MIER1: variants seen among roughly 807,000 people sequenced by gnomAD.
MIER1 encodes MIER1 transcriptional regulator.
MIER1 carries 40 observed loss-of-function variants against 75.7 expected under a neutral mutation model. The ratio of observed to expected loss-of-function variants is 0.53; its 90% confidence interval spans 0.41 to 0.69. The LOEUF (loss-of-function observed/expected upper bound fraction) is 0.69, where lower values mean the gene tolerates loss of function less well. MIER1 is among the 30% of genes least tolerant of loss of function. The probability of loss-of-function intolerance (pLI) is 0.00; values close to 1 mark genes in which losing one functional copy is unlikely to be tolerated. For missense variants in MIER1, 574 were observed against 680.2 expected, an observed-to-expected ratio of 0.84 and a Z score of 1.74; for synonymous variants, 213 against 223.4, an observed-to-expected ratio of 0.95 and a Z score of 0.42.
intron 10 of MIER1, among the ~76,000 whole-genome samples, chr1:66,972,198 C>T (rs1028454437): frequency 1.4e-4 from 20 of 145,548 alleles, no homozygotes; most frequent in African/African-American, 4.8e-4. Context: ...CTCCTACCCC[C>T]CTTCACTAAG....
rs1666624463 is a variant in MIER1 at position 66,985,208 on chromosome 1, A to G, written c.*308A>G. The G allele has an allele frequency of 1.0e-6, 1 of 974,832 alleles. No individual in the cohort carries two copies. Among genetic ancestry groups the G allele is most frequent in the South Asian group, 4.6e-5 (1 of 21,628 alleles). 60.4% of individuals were successfully genotyped at this position (974,832 alleles called of 1,614,324 possible). ...TAATTTTGGTAAATCTGAATGAACT[A>G]AAGATGTATCTGTACCTTCTCATTT... is the stretch of plus-strand genomic sequence containing the variant. On this transcript the variant is annotated 3_prime_UTR_variant, in exon 14 of 14. Transcript: ENST00000401041.
chr1:66,934,102 A>T (rs181244534), intron 2 of MIER1, among the ~76,000 whole-genome samples: 1 of 152,330 alleles, frequency 6.6e-6, no homozygotes, highest in Admixed American at 6.5e-5. Flanking sequence ...AGCACCCCAA[A>T]AAATTGTTTT....
intron 13 of MIER1, among the ~76,000 whole-genome samples, 154 bp downstream of exon 13, chr1:66,982,072 T>C (rs1476951007): frequency 6.6e-6 from 1 of 152,198 alleles, no homozygotes; most frequent in Non-Finnish European, 1.5e-5. Context: ...CATACATATA[T>C]ACTAACAGAA....
chr1:66,936,015 G>A (rs573779292), intron 2 of MIER1, among the ~76,000 whole-genome samples: 1 of 152,136 alleles, frequency 6.6e-6, no homozygotes, highest in African/African-American at 2.4e-5. Context: ...ATGTCTTGGT[G>A]TCTTTTTTAA....
At chr1:66,946,695 C>A (rs1419853226) in intron 4 of MIER1, 1 of 987,736 alleles carries the variant, frequency 1.0e-6, no homozygotes, top group Admixed American at 6.1e-5. Context: ...ATAAAGTGCT[C>A]TAGATTATCT....
chr1:66,977,212 C>T (rs1039963731), intron 12 of MIER1, among the ~76,000 whole-genome samples: 1 of 151,866 alleles, frequency 6.6e-6, no homozygotes, highest in Non-Finnish European at 1.5e-5. Context: ...CGGCTTCAAG[C>T]GATTGTCCTG....
chr1:66,948,462 C>A lies in MIER1; in HGVS notation c.339+2167C>A, dbSNP rs371665988. Among the ~76,000 whole-genome samples the A allele has an allele frequency of 3.9e-5, 6 of 152,232 alleles. No individual in the cohort carries two copies. In the East Asian group the frequency reaches 9.7e-4, roughly 25 times the overall value. ...GTTTATTGAAATCTTGTCAGGTGTT[C>A]CCATTGTGGGATTAGAGCTGGCTTT... On this transcript the variant is annotated intron_variant, in intron 4 of 13. Coordinates refer to ENST00000401041, the MANE Select transcript of MIER1 (RefSeq NM_001077700.3).
intron 3 of MIER1, among the ~76,000 whole-genome samples, chr1:66,944,101 G>C (rs1244547939): frequency 6.6e-6 from 1 of 151,902 alleles, no homozygotes; most frequent in Non-Finnish European, 1.5e-5. Flanking sequence ...CTGGCATATG[G>C]TAAGCACTCA....
At chr1:66,981,981 G>A in intron 13 of MIER1, 63 bp downstream of exon 13, 1 of 1,558,616 alleles carries the variant, frequency 6.4e-7, no homozygotes, top group Non-Finnish European at 8.8e-7. Flanking sequence ...GCAGTGACTT[G>A]GGAAATTCCG....
At chr1:66,934,118 A>C (rs531238522) in intron 2 of MIER1, among the ~76,000 whole-genome samples, 6 of 152,214 alleles carry the variant, frequency 3.9e-5, no homozygotes, top group Non-Finnish European at 8.8e-5. Context: ...GTTTTTGCAA[A>C]TTGAGATTTT....
At chr1:66,976,752 T>G in intron 12 of MIER1, 30 bp downstream of exon 12, 1 of 1,505,424 alleles carries the variant, frequency 6.6e-7, no homozygotes, top group South Asian at 1.3e-5. Flanking sequence ...AAGAGCTATA[T>G]ATACATTTTT....
At chr1:66,930,131 GGGGCCGCGCGCGCGCCCCT>G in intron 2 of MIER1, 1 of 1,061,292 alleles carries the variant, frequency 9.4e-7, no homozygotes, top group Non-Finnish European at 1.2e-6. Flanking sequence ...GGCTGGCCGC[GGGGCCGCGCGCGCGCCCCT>G]GCTCCGGCGC....
chr1:66,930,666 AG>A (rs959978851), intron 2 of MIER1, among the ~76,000 whole-genome samples: 3 of 146,920 alleles, frequency 2.0e-5, no homozygotes, highest in African/African-American at 7.6e-5. Context: ...TGCGAGGGGG[AG>A]GGGGCGCCCG....
intron 8 of MIER1, among the ~76,000 whole-genome samples, chr1:66,969,781 A>G (rs904689917): frequency 4.0e-5 from 6 of 151,620 alleles, no homozygotes; most frequent in African/African-American, 1.5e-4. Context: ...CTCTCTAGCT[A>G]CTCCCCTATC....
intron 11 of MIER1, among the ~76,000 whole-genome samples, chr1:66,973,468 A>C (rs1256327576): frequency 2.6e-5 from 4 of 152,044 alleles, no homozygotes; most frequent in African/African-American, 9.7e-5. Context: ...ATTTTCTAGG[A>C]GCTTCTGTGT....
rs1001191711 is a variant in MIER1 at position 66,986,913 on chromosome 1, T to G, written c.*2013T>G. The G allele has an allele frequency of 7.3e-6, 1 of 137,230 alleles. No individual in the cohort carries two copies. The highest frequency in any genetic ancestry group is 3.1e-5 in the African/African-American group (1 of 32,226). The allele number at this position is 137,230 out of a possible 1,614,324, so 8.5% of individuals were successfully genotyped here. Reference sequence around the variant, plus strand: ...GGTCTGTAGAAATGTTTTTAAAGATTAGGGATGCTGTACTTTTTGAATTGT... The same window carrying G: ...GGTCTGTAGAAATGTTTTTAAAGATGAGGGATGCTGTACTTTTTGAATTGT... On this transcript the variant is annotated 3_prime_UTR_variant, in exon 14 of 14. Coordinates refer to ENST00000401041, the MANE Select transcript of MIER1 (RefSeq NM_001077700.3).
intron 12 of MIER1, among the ~76,000 whole-genome samples, chr1:66,979,993 A>C (rs1297291538): frequency 6.6e-6 from 1 of 151,752 alleles, no homozygotes; most frequent in Non-Finnish European, 1.5e-5. Context: ...CAAACTCCCA[A>C]CCTCAGGTGA....
chr1:66,983,048 CTATT>C (rs907681320), intron 13 of MIER1, among the ~76,000 whole-genome samples: 3 of 152,154 alleles, frequency 2.0e-5, no homozygotes, highest in Non-Finnish European at 4.4e-5. Context: ...TTTTAAGAAA[CTATT>C]TGATGAGAAC....
chr1:66,975,474 C>T (rs1288595059), intron 11 of MIER1, among the ~76,000 whole-genome samples: 1 of 151,650 alleles, frequency 6.6e-6, no homozygotes, highest in African/African-American at 2.4e-5. Flanking sequence ...CTGCAGTTAG[C>T]GGTTTGGTGC....
Sources: allele counts gnomAD v4.1 joint callset (sites outside exome capture counted in the v4.1 genomes callset), GRCh38; gene constraint gnomAD v4.1.1; transcripts MANE v1.5; gene names NCBI Gene and HGNC (gene_info 2026-07-23, HGNC 2026-07-21).